BABAM2: variants seen among roughly 807,000 people sequenced by gnomAD.
BABAM2 encodes BRISC and BRCA1 A complex member 2.
Under a neutral mutation model 54.7 loss-of-function variants are expected in BABAM2, and 31 were observed. The observed-to-expected ratio is 0.57, with a 90% CI of 0.43 to 0.77. The LOEUF (loss-of-function observed/expected upper bound fraction) is 0.77, where lower values mean the gene tolerates loss of function less well. Among genes scored for constraint, BABAM2 ranks in the 30% least tolerant of loss-of-function variants. The pLI, the probability that BABAM2 is intolerant of heterozygous loss-of-function variation, is 0.00. For missense variants in BABAM2, 364 were observed against 455.8 expected (o/e 0.80, Z 1.83); for synonymous variants, 167 against 162.9 (o/e 1.03, Z -0.19).
intron 10 of BABAM2, among the ~76,000 whole-genome samples, chr2:28,249,277 C>G (rs1683208323): frequency 6.6e-6 from 1 of 151,728 alleles, no homozygotes; most frequent in South Asian, 2.1e-4. Context: ...TTAGTAGAGA[C>G]CGGGTTTCAC....
chr2:28,179,137 A>G lies in BABAM2; in HGVS notation c.680+49757A>G, dbSNP rs191633222. Reference sequence around the variant, plus strand: ...GAAGCAATTCCCCTTAACTCATTCTATGAGGCCAGCATTACCCTGATACCA... The same window carrying G: ...GAAGCAATTCCCCTTAACTCATTCTGTGAGGCCAGCATTACCCTGATACCA... On this transcript the variant is annotated intron_variant, in intron 7 of 11. Transcript: ENST00000379624. 8.5e-4 allele frequency among the ~76,000 whole-genome samples: 130 copies of G among 152,270 alleles called. 1 individual carries two copies. The highest frequency in any genetic ancestry group is 3.4e-3 in the Admixed American group (52 of 15,296).
chr2:27,936,458 A>C (rs1003236454), intron 3 of BABAM2, among the ~76,000 whole-genome samples: 6 of 152,196 alleles, frequency 3.9e-5, no homozygotes, highest in Non-Finnish European at 8.8e-5. Flanking sequence ...ATATATACCC[A>C]AAGGACTATA....
chr2:28,012,234 C>T (rs1198461141), intron 4 of BABAM2, among the ~76,000 whole-genome samples: 1 of 152,142 alleles, frequency 6.6e-6, no homozygotes, highest in Non-Finnish European at 1.5e-5. Context: ...TAAATACTTC[C>T]CCAGGAAAAA....
intron 5 of BABAM2, among the ~76,000 whole-genome samples, chr2:28,036,138 G>T (rs1393247574): frequency 6.6e-6 from 1 of 152,134 alleles, no homozygotes; most frequent in Non-Finnish European, 1.5e-5. Context: ...TAGATGTAGG[G>T]TGCACTCCTT....
chr2:28,177,285 C>T (rs1675111670), intron 7 of BABAM2, among the ~76,000 whole-genome samples: 3 of 151,852 alleles, frequency 2.0e-5, no homozygotes, highest in African/African-American at 7.3e-5. Flanking sequence ...AACTGTTAGC[C>T]AAGTATACTA....
At chr2:28,184,286 C>CTCTCT (rs1558415646) in intron 7 of BABAM2, among the ~76,000 whole-genome samples, 8 of 69,662 alleles carry the variant, frequency 1.1e-4, no homozygotes, top group African/African-American at 2.1e-4. Flanking sequence ...CTCTCTCTCT[C>CTCTCT]CCCCCCTCCC....
chr2:28,027,616 A>G (rs1675968458), intron 5 of BABAM2, among the ~76,000 whole-genome samples: 1 of 152,178 alleles, frequency 6.6e-6, no homozygotes, highest in Non-Finnish European at 1.5e-5. Context: ...AGGTTCATCC[A>G]TGTTGTGGCA....
intron 10 of BABAM2, among the ~76,000 whole-genome samples, chr2:28,294,599 T>C (rs1170692733): frequency 6.6e-6 from 1 of 152,090 alleles, no homozygotes; most frequent in Non-Finnish European, 1.5e-5. Context: ...GGAAAGCAAG[T>C]TTTAATTTTT....
In BABAM2 at chr2:28,026,821, T is replaced by TAA. The variant is rs1491317120; in HGVS notation, c.495+1401_495+1402insAA. On this transcript the variant is annotated intron_variant, in intron 5 of 11. Transcript: ENST00000379624. ...TATATAAAAAATATATAAATATATA[T>TAA]TTATATATATAAATATATATAAATA... Among the ~76,000 whole-genome samples, 10 of 85,896 alleles carry TAA rather than the reference T, an allele frequency of 1.2e-4. 1 individual carries two copies. Among genetic ancestry groups the TAA allele is most frequent in the African/African-American group, 4.8e-4 (9 of 18,662 alleles). The allele number at this position is 85,896 out of a possible 152,430, so 56.4% of individuals were successfully genotyped here.
chr2:28,331,962 C>T (rs978192757), intron 11 of BABAM2, among the ~76,000 whole-genome samples: 3 of 152,218 alleles, frequency 2.0e-5, no homozygotes, highest in African/African-American at 4.8e-5. Flanking sequence ...GGTGCATATA[C>T]ACCATGGAAT....
intron 4 of BABAM2, among the ~76,000 whole-genome samples, chr2:28,018,221 C>T (rs946939425): frequency 2.0e-5 from 3 of 152,192 alleles, no homozygotes; most frequent in Non-Finnish European, 4.4e-5. Context: ...TTTGTGTCCT[C>T]GTAGCTTAGC....
intron 7 of BABAM2, among the ~76,000 whole-genome samples, chr2:28,195,000 T>C (rs1677368741): frequency 6.6e-6 from 1 of 152,200 alleles, no homozygotes; most frequent in Admixed American, 6.5e-5. Context: ...CCAGCCAACA[T>C]AGACATTTTA....
intron 11 of BABAM2, chr2:28,310,540 C>G (rs1198266424): frequency 1.2e-5 from 2 of 173,618 alleles, no homozygotes; most frequent in Non-Finnish European, 2.5e-5. Flanking sequence ...CTCAGTCACA[C>G]AAGCCAGAAG....
Position 28,322,841 on chromosome 2 carries a change from C to T in BABAM2, c.1089-15609C>T, listed in dbSNP as rs1430708443. ...GGGGAATTAATTATTGTTTGTGATA[C>T]AATTAAAATCCCCCAATGAAAGGCC... On this transcript the variant is annotated intron_variant, in intron 11 of 11. Transcript: ENST00000379624. This position sits in a 1 kb window ranked among gnomAD's most constrained non-coding sequence, Gnocchi z 4.1. Among the ~76,000 whole-genome samples the T allele has an allele frequency of 6.6e-6, 1 of 152,232 alleles. No homozygotes were observed. The highest frequency in any genetic ancestry group is 2.4e-5 in the African/African-American group (1 of 41,454).
chr2:27,986,721 A>G (rs973737098), intron 3 of BABAM2, among the ~76,000 whole-genome samples: 1 of 152,192 alleles, frequency 6.6e-6, no homozygotes, highest in Non-Finnish European at 1.5e-5. Flanking sequence ...TTACATTTGG[A>G]TAAAATTTTA....
intron 6 of BABAM2, among the ~76,000 whole-genome samples, chr2:28,054,603 G>T (rs1678251053): frequency 6.6e-6 from 1 of 152,166 alleles, no homozygotes; most frequent in South Asian, 2.1e-4. Context: ...GCCCTAGAGG[G>T]CTAACAGGCC....
intron 11 of BABAM2, among the ~76,000 whole-genome samples, chr2:28,330,722 A>G (rs114061507): frequency 6.6e-6 from 1 of 152,252 alleles, no homozygotes; most frequent in South Asian, 2.1e-4. Flanking sequence ...GCTCATGGAT[A>G]GGAAGAATTA....
At chr2:28,028,364 G>T (rs980747068) in intron 5 of BABAM2, among the ~76,000 whole-genome samples, 3 of 151,902 alleles carry the variant, frequency 2.0e-5, no homozygotes, top group Non-Finnish European at 2.9e-5. Context: ...TATTTGTTAG[G>T]TCCAATATCC....
intron 7 of BABAM2, among the ~76,000 whole-genome samples, chr2:28,211,823 A>T (rs574028604): frequency 6.6e-6 from 1 of 152,254 alleles, no homozygotes; most frequent in Non-Finnish European, 1.5e-5. Context: ...AAAATTTTGT[A>T]TCACAATACT....
Sources: gnomAD v4.1 joint callset for allele counts (sites outside exome capture counted in the v4.1 genomes callset) on GRCh38, gnomAD v4.1.1 for gene constraint, Gnocchi (gnomAD v3.1) non-coding constraint, MANE v1.5 for transcripts, NCBI Gene and HGNC (gene_info 2026-07-23, HGNC 2026-07-21) for gene names.